Variants in WNK1 observed in about 807,000 individuals in gnomAD.
The protein encoded by WNK1 is serine/threonine-protein kinase WNK1.
In WNK1, 38 loss-of-function variants were observed where a neutral mutation model predicts 222.8. That is an observed-to-expected ratio of 0.17 (90% CI 0.13 to 0.22). The LOEUF is 0.22. Among genes scored for constraint, WNK1 ranks in the 10% least tolerant of loss-of-function variants. WNK1 has a pLI of 1.00. For missense variants in WNK1, 2,348 were observed against 2,918.4 expected (o/e 0.80, Z 4.50); for synonymous variants, 1,090 against 1,092.9 (o/e 1.00, Z 0.05).
At chr12:853,712 G>C (rs1460837245) in intron 4 of WNK1, among the ~76,000 whole-genome samples, 1 of 152,140 alleles carries the variant, frequency 6.6e-6, no homozygotes, top group Non-Finnish European at 1.5e-5. Flanking sequence ...ATTGCCAGTA[G>C]GCTACATACA....
intron 4 of WNK1, among the ~76,000 whole-genome samples, chr12:836,429 A>G (rs957893361): frequency 1.4e-4 from 22 of 152,232 alleles, no homozygotes; most frequent in Non-Finnish European, 5.9e-5. Context: ...ACATATAACT[A>G]GATTGACTCT....
chr12:832,137 G>A (rs960811841), intron 4 of WNK1, among the ~76,000 whole-genome samples: 1 of 151,928 alleles, frequency 6.6e-6, no homozygotes, highest in African/African-American at 2.4e-5. Flanking sequence ...GTGCAGTGGC[G>A]CCATCTCGGC....
At chr12:825,088 T>C (rs78287464) in intron 2 of WNK1, among the ~76,000 whole-genome samples, 1 of 152,236 alleles carries the variant, frequency 6.6e-6, no homozygotes, top group African/African-American at 2.4e-5. Flanking sequence ...TATTGTACGA[T>C]TGAATGAGTT....
In WNK1 at chr12:877,625, T is replaced by C. The variant is rs558794835; in HGVS notation, c.2224-587T>C. On this transcript the variant is annotated intron_variant, in intron 9 of 27. Transcript: ENST00000315939. ...CCTTGTTTCAAAAAGAGAAACTTCATTTTTTTAATAAAATAAGCAATCTAA... is the reference window on the plus strand; with the variant it reads ...CCTTGTTTCAAAAAGAGAAACTTCACTTTTTTAATAAAATAAGCAATCTAA... Among the ~76,000 whole-genome samples, 7 of 152,312 alleles carry C rather than the reference T, an allele frequency of 4.6e-5. No individual in the cohort carries two copies. In the East Asian group the frequency reaches 1.3e-3, roughly 29 times the overall value.
At chr12:861,913 T>C (rs559631700) in intron 7 of WNK1, among the ~76,000 whole-genome samples, 170 bp from the exon 8 acceptor site, 15 of 152,332 alleles carry the variant, frequency 9.8e-5, no homozygotes, top group Admixed American at 6.5e-4. Context: ...CATTTAAATA[T>C]AGAAATCTAC....
intron 26 of WNK1, chr12:906,620 T>G: frequency 1.0e-6 from 1 of 985,348 alleles, no homozygotes; most frequent in Non-Finnish European, 1.2e-6. Context: ...TCTTGTTCTT[T>G]ACTCATGGGA....
rs200850946 is a variant in WNK1, at chr12:878,399, A to G, written c.2373+38A>G. 4.4e-6 allele frequency: 7 copies of G among 1,590,348 alleles called. No individual in the cohort carries two copies. The East Asian group carries it at 1.1e-4, about 26-fold the overall frequency. On this transcript the variant is annotated intron_variant, in intron 10 of 27. Transcript: ENST00000315939. ...TTTTTTTTTAAACAGGTAAACTCTT[A>G]ATTTCTGAAAGGGTGCTAAAAGGGA...
chr12:805,670 A>G (rs1056387805), intron 1 of WNK1, among the ~76,000 whole-genome samples: 1 of 152,218 alleles, frequency 6.6e-6, no homozygotes, highest in Non-Finnish European at 1.5e-5. Flanking sequence ...TTCAGAGTAT[A>G]TAGTTAGGAA....
chr12:800,854 A>G (rs938387686), intron 1 of WNK1, among the ~76,000 whole-genome samples: 1 of 152,150 alleles, frequency 6.6e-6, no homozygotes, highest in Non-Finnish European at 1.5e-5. Flanking sequence ...TTTCCTGCCT[A>G]CCCAAGGGTA....
chr12:893,823 A>AAATAATAATAATAAT lies in WNK1; in HGVS notation c.5510-729_5510-715dup, dbSNP rs56048238. On this transcript the variant is annotated intron_variant, in intron 22 of 27. Transcript: ENST00000315939. ...GGGCAACAGAGTGAGACTCCATCTC[A>AAATAATAATAATAAT]AATAATAATAATAATAATAATAATT... is the stretch of plus-strand genomic sequence containing the variant. Among the ~76,000 whole-genome samples the AAATAATAATAATAAT allele has an allele frequency of 7.5e-3, 1,085 of 143,788 alleles. 8 individuals carry two copies. Among genetic ancestry groups the AAATAATAATAATAAT allele is most frequent in the East Asian group, 0.043 (211 of 4,962 alleles). The allele number at this position is 143,788 out of a possible 152,430, so 94.3% of individuals were successfully genotyped here.
chr12:900,663 A>G lies in WNK1; in HGVS notation c.6636A>G (p.Pro2212=). The G allele has an allele frequency of 6.2e-7, 1 of 1,614,212 alleles. No individual in the cohort carries two copies. Among genetic ancestry groups the G allele is most frequent in the Non-Finnish European group, 8.5e-7 (1 of 1,180,020 alleles). Residue 2212 remains proline, a synonymous_variant, in exon 26 of 28, where the codon CCA becomes CCG. Coordinates refer to ENST00000315939, the MANE Select transcript of WNK1 (RefSeq NM_018979.4). ...GAISVPSLSA[P]GQGTSSTNTV... is the part of the protein sequence containing the mutation. ...TTTCAGTACCAAGCCTTTCTGCTCC[A>G]GGTCAAGGTAATAAAGCAACCATCA...
intron 8 of WNK1, chr12:865,012 C>G: frequency 7.2e-7 from 1 of 1,387,526 alleles, no homozygotes; most frequent in Non-Finnish European, 9.4e-7. Context: ...GAGGATGGAA[C>G]ATTTCTTCAT....
intron 4 of WNK1, among the ~76,000 whole-genome samples, chr12:853,074 A>T (rs1223069036): frequency 1.3e-5 from 2 of 152,162 alleles, no homozygotes; most frequent in Non-Finnish European, 2.9e-5. Context: ...TTTTAATACC[A>T]GCTACTGGAC....
chr12:815,699 G>T (rs1947286907), intron 2 of WNK1, among the ~76,000 whole-genome samples: 1 of 152,236 alleles, frequency 6.6e-6, no homozygotes, highest in Non-Finnish European at 1.5e-5. Flanking sequence ...TGTACATCTT[G>T]AGATTCTTTC....
chr12:873,520 G>A (rs1274677794), intron 9 of WNK1, among the ~76,000 whole-genome samples: 1 of 152,182 alleles, frequency 6.6e-6, no homozygotes, highest in African/African-American at 2.4e-5. Context: ...AGTGTATTCG[G>A]TCTAGAATAA....
chr12:901,471 C>A, intron 26 of WNK1: 1 of 898,642 alleles, frequency 1.1e-6, no homozygotes, highest in Non-Finnish European at 1.5e-6. Flanking sequence ...TAGTGCATTT[C>A]ACCACTCCAG....
intron 1 of WNK1, among the ~76,000 whole-genome samples, chr12:765,561 T>C (rs191658391): frequency 8.3e-6 from 1 of 120,616 alleles, no homozygotes; most frequent in African/African-American, 2.6e-5. Flanking sequence ...AAACAATTTT[T>C]TTTTAATCAT....
rs986236440 is a variant in WNK1 at position 896,119 on chromosome 12, G to A, written c.5632G>A (p.Glu1878Lys). 6.2e-7 allele frequency: 1 copy of A among 1,614,220 alleles called. No homozygotes were observed. Among genetic ancestry groups the A allele is most frequent in the Admixed American group, 1.7e-5 (1 of 60,024 alleles). ...GAQKEGKNKS[E>K]DAKSVHFESS... Reference sequence around the variant, plus strand: ...CCAGAAAGAGGGTAAAAATAAGTCAGAAGATGCAAAGTCTGTTCATTTTGA... The same window carrying A: ...CCAGAAAGAGGGTAAAAATAAGTCAAAAGATGCAAAGTCTGTTCATTTTGA... The change falls in exon 24 of 28, where the codon GAA becomes AAA. Residue 1878 changes from glutamate to lysine, a missense_variant. Around this residue, in one of 13 missense-constraint regions of WNK1, gnomAD observed 1,144 missense variants for 1,273.6 expected, o/e 0.90. Transcript: ENST00000315939.
chr12:816,048 G>A (rs1175168797), intron 2 of WNK1, among the ~76,000 whole-genome samples: 1 of 152,190 alleles, frequency 6.6e-6, no homozygotes, highest in Admixed American at 6.5e-5. Context: ...GTCCATGCAA[G>A]GACAGAAAGC....
Sources: gnomAD v4.1 joint callset for allele counts (sites outside exome capture counted in the v4.1 genomes callset) on GRCh38, gnomAD v4.1.1 for gene constraint, gnomAD v4.1.1 regional missense constraint, MANE v1.5 for transcripts, NCBI Gene and HGNC (gene_info 2026-07-23, HGNC 2026-07-21) for gene names.